DAB1: variants seen among roughly 807,000 people sequenced by gnomAD.
The protein encoded by DAB1 is disabled homolog 1.
In DAB1, 15 loss-of-function variants were observed where a neutral mutation model predicts 64.6. That is an observed-to-expected ratio of 0.23 (90% CI 0.16 to 0.36). The LOEUF (loss-of-function observed/expected upper bound fraction) is 0.36, where lower values mean the gene tolerates loss of function less well. Among genes scored for constraint, DAB1 ranks in the 10% least tolerant of loss-of-function variants. DAB1 has a pLI of 1.00. For synonymous variants in DAB1, 235 were observed against 251.9 expected, an observed-to-expected ratio of 0.93 and a Z score of 0.64; for missense variants, 596 against 706.7, an observed-to-expected ratio of 0.84 and a Z score of 1.78.
chr1:58,425,868 C>T (rs1644817429), intron 3 of DAB1, among the ~76,000 whole-genome samples: 2 of 151,778 alleles, frequency 1.3e-5, no homozygotes, highest in African/African-American at 4.8e-5. Flanking sequence ...TGGCCCCAAC[C>T]CTGAGGATGA....
intron 6 of DAB1, among the ~76,000 whole-genome samples, chr1:57,813,177 T>G (rs1651707212): frequency 6.6e-6 from 1 of 152,162 alleles, no homozygotes; most frequent in Non-Finnish European, 1.5e-5. Context: ...TGAGAGAGTG[T>G]GAAGAGAAAA....
At chr1:57,198,468 G>C (rs1388173518) in intron 2 of DAB1, among the ~76,000 whole-genome samples, 2 of 152,114 alleles carry the variant, frequency 1.3e-5, no homozygotes, top group Admixed American at 1.3e-4. Flanking sequence ...CCTAAGTCTA[G>C]AGACTCATCT....
At chr1:58,046,879 G>A (rs1647279252) in intron 5 of DAB1, among the ~76,000 whole-genome samples, 1 of 152,128 alleles carries the variant, frequency 6.6e-6, no homozygotes, top group Non-Finnish European at 1.5e-5. Flanking sequence ...ACAATTTCTG[G>A]GCCACTCACT....
At chr1:57,466,267 T>C (rs908036501) in intron 7 of DAB1, among the ~76,000 whole-genome samples, 3 of 152,212 alleles carry the variant, frequency 2.0e-5, no homozygotes, top group African/African-American at 7.2e-5. Context: ...GTAATTTCTG[T>C]AGCCACATCA....
At chr1:58,520,023 C>T (rs1156370387) in intron 2 of DAB1, among the ~76,000 whole-genome samples, 1 of 152,072 alleles carries the variant, frequency 6.6e-6, no homozygotes, top group Non-Finnish European at 1.5e-5. Context: ...CATGTTCTCA[C>T]TCATAAGGGG....
Position 58,249,139 on chromosome 1 carries a change from C to T in DAB1, n.309+94213G>A, listed in dbSNP as rs76934468. The stretch of plus-strand genomic sequence containing the variant: ...AGGCTGCCTGCAAAGTCCACCCATA[C>T]TGCGCTGCCAAGGGTTAATTTTCTC... On this transcript the variant is annotated intron_variant and non_coding_transcript_variant, in intron 4 of 20. Transcript: ENST00000485760. 3.8e-3 allele frequency among the ~76,000 whole-genome samples: 581 copies of T among 152,202 alleles called. 3 individuals carry two copies. Among genetic ancestry groups the T allele is most frequent in the Non-Finnish European group, 6.3e-3 (431 of 68,006 alleles).
chr1:57,197,854 T>A (rs933066159), intron 2 of DAB1, among the ~76,000 whole-genome samples: 1 of 152,224 alleles, frequency 6.6e-6, no homozygotes, highest in African/African-American at 2.4e-5. Context: ...AATGTAATCT[T>A]GCTCATAGGA....
At chr1:58,206,686 G>C (rs1303874538) in intron 4 of DAB1, among the ~76,000 whole-genome samples, 1 of 152,076 alleles carries the variant, frequency 6.6e-6, no homozygotes. Flanking sequence ...TATAGAGTAG[G>C]TACCTGATAA....
intron 6 of DAB1, among the ~76,000 whole-genome samples, chr1:57,701,715 G>GA (rs1646910626): frequency 6.6e-6 from 1 of 151,216 alleles, no homozygotes; most frequent in Non-Finnish European, 1.5e-5. Context: ...AATAAAAAAA[G>GA]AAAAAATAAC....
intron 4 of DAB1, among the ~76,000 whole-genome samples, chr1:58,310,368 A>G (rs1662398796): frequency 6.6e-6 from 1 of 152,212 alleles, no homozygotes; most frequent in African/African-American, 2.4e-5. Flanking sequence ...GACATTCAAA[A>G]AGATTTTGAA....
chr1:57,112,497 T>G (rs140725343), intron 4 of DAB1, among the ~76,000 whole-genome samples: 1 of 152,130 alleles, frequency 6.6e-6, no homozygotes, highest in Non-Finnish European at 1.5e-5. Context: ...AGAGTAACTA[T>G]GAATGAAGCT....
intron 3 of DAB1, among the ~76,000 whole-genome samples, chr1:58,471,197 C>T (rs1319806227): frequency 6.6e-6 from 1 of 152,146 alleles, no homozygotes; most frequent in Non-Finnish European, 1.5e-5. Context: ...TTCTGGGGTC[C>T]TATGTTGGTA....
intron 3 of DAB1, among the ~76,000 whole-genome samples, chr1:58,411,577 G>T (rs554600875): frequency 1.3e-5 from 2 of 152,298 alleles, no homozygotes; most frequent in South Asian, 4.1e-4. Flanking sequence ...AAGAGGAGTT[G>T]TCCAAGCAAA....
chr1:58,060,504 G>T (rs917983079), intron 5 of DAB1, among the ~76,000 whole-genome samples: 1 of 152,200 alleles, frequency 6.6e-6, no homozygotes, highest in Non-Finnish European at 1.5e-5. Flanking sequence ...AGTAAAGAGC[G>T]ACTGGTGAAA....
intron 8 of DAB1, among the ~76,000 whole-genome samples, chr1:57,063,780 C>T (rs1001899731): frequency 2.0e-5 from 3 of 152,180 alleles, no homozygotes; most frequent in South Asian, 2.1e-4. Flanking sequence ...TAAATATATA[C>T]GAACACATCT....
intron 2 of DAB1, among the ~76,000 whole-genome samples, chr1:57,232,023 C>A (rs138331631): frequency 2.6e-5 from 4 of 152,262 alleles, no homozygotes; most frequent in African/African-American, 9.6e-5. Context: ...GGGCTGACCT[C>A]CCCAGATTTC....
At position 58,316,933 on chromosome 1, in the gene DAB1, T is replaced by C. The variant is rs191539093; in HGVS notation, n.309+26419A>G. 6.6e-4 allele frequency among the ~76,000 whole-genome samples: 100 copies of C among 152,356 alleles called. 1 individual carries two copies. The highest frequency in any genetic ancestry group is 2.1e-4 in the South Asian group (1 of 4,828). The stretch of plus-strand genomic sequence containing the variant: ...TAGCTAGTACATATTTATAATTTTG[T>C]TTGTTCCAAGCACTGTTCTAAGTAC... On this transcript the variant is annotated intron_variant and non_coding_transcript_variant, in intron 4 of 20. Transcript: ENST00000485760.
Position 57,705,839 on chromosome 1 carries a change from G to A in DAB1, n.552-56174C>T, listed in dbSNP as rs75362625. ...ATGTTTAACACATAGTACTTAATAC[G>A]TATCTTTGGACTAATGAATCAATAC... is the stretch of plus-strand genomic sequence containing the variant. On this transcript the variant is annotated intron_variant and non_coding_transcript_variant, in intron 6 of 20. Transcript: ENST00000485760. 9.1e-4 allele frequency among the ~76,000 whole-genome samples: 135 copies of A among 148,308 alleles called. 2 individuals are homozygous for A. In the East Asian group the frequency reaches 0.023, roughly 26 times the overall value.
intron 4 of DAB1, among the ~76,000 whole-genome samples, chr1:58,313,571 T>C (rs1662476899): frequency 6.6e-6 from 1 of 152,104 alleles, no homozygotes; most frequent in South Asian, 2.1e-4. Context: ...TTTCTTTGCC[T>C]CTCCAGGGAC....
Sources: gnomAD v4.1 joint callset for allele counts (sites outside exome capture counted in the v4.1 genomes callset) on GRCh38, gnomAD v4.1.1 for gene constraint, MANE v1.5 for transcripts, NCBI Gene and HGNC (gene_info 2026-07-23, HGNC 2026-07-21) for gene names.